The following SOAT2 variants were observed in gnomAD, a reference collection of about 807,000 sequenced individuals.
SOAT2 encodes sterol O-acyltransferase 2, also known as ACAT-2.
In SOAT2, 87 loss-of-function variants were observed where a neutral mutation model predicts 76.0. The observed-to-expected ratio is 1.14, with a 90% CI of 0.96 to 1.37. SOAT2 has a LOEUF of 1.37. Among genes scored for constraint, SOAT2 ranks in the 40% most tolerant of loss-of-function variants. The pLI is 0.00. For synonymous variants in SOAT2, 285 were observed against 275.4 expected (o/e 1.03, Z -0.34); for missense variants, 686 against 682.1 (o/e 1.01, Z -0.06).
At chr12:53,110,882 GT>G (rs919885018) in intron 5 of SOAT2, among the ~76,000 whole-genome samples, 3 of 150,820 alleles carry the variant, frequency 2.0e-5, no homozygotes, top group Non-Finnish European at 3.0e-5. Flanking sequence ...CTTATTTCCT[GT>G]TTTTTTTACC....
chr12:53,113,745 A>C (rs1243995595), intron 5 of SOAT2, among the ~76,000 whole-genome samples: 1 of 152,242 alleles, frequency 6.6e-6, no homozygotes, highest in African/African-American at 2.4e-5. Flanking sequence ...GTAGGTGTGC[A>C]TTCATCTAAA....
rs547636266 is a variant in SOAT2, at chr12:53,124,317, G to C, written c.*194G>C. On this transcript the variant is annotated 3_prime_UTR_variant, in exon 15 of 15. Coordinates refer to ENST00000301466, the MANE Select transcript of SOAT2 (RefSeq NM_003578.4). ...GTAACTGATCACAGACCTCAGCATGGGGGTGACCAGGGTGACTCTTCAATC... is the reference window on the plus strand; with the variant it reads ...GTAACTGATCACAGACCTCAGCATGCGGGTGACCAGGGTGACTCTTCAATC... 3 of 619,902 alleles carry C rather than the reference G, an allele frequency of 4.8e-6. No homozygotes were observed. The highest frequency in any genetic ancestry group is 3.8e-5 in the South Asian group (2 of 52,952). 38.4% of individuals were successfully genotyped at this position (619,902 alleles called of 1,614,324 possible).
chr12:53,109,718 C>A (rs1021686764), intron 5 of SOAT2, among the ~76,000 whole-genome samples: 1 of 152,124 alleles, frequency 6.6e-6, no homozygotes, highest in African/African-American at 2.4e-5. Context: ...GAACTCCTGA[C>A]CTCAAGCGAT....
chr12:53,120,342 G>A (rs904673955), intron 10 of SOAT2, among the ~76,000 whole-genome samples: 3 of 152,068 alleles, frequency 2.0e-5, no homozygotes, highest in African/African-American at 4.8e-5. Context: ...GGTGGCGGGC[G>A]TCTGTAGTCC....
At chr12:53,116,045 G>A (rs1248888003) in intron 6 of SOAT2, 52 bp from the exon 7 acceptor site, 7 of 1,484,462 alleles carry the variant, frequency 4.7e-6, no homozygotes, top group East Asian at 2.3e-5. Context: ...GAGGTTAAGC[G>A]ATTTGCTTAA....
rs745656454 is a variant in SOAT2 at position 53,105,061 on chromosome 12, G to T, written c.139-46G>T. 3 of 1,536,258 alleles carry T rather than the reference G, an allele frequency of 2.0e-6. No individual in the cohort carries two copies. The South Asian group carries it at 3.6e-5, about 18-fold the overall frequency. ...GTGAATGTCTGGTGAATGAAAGGAT[G>T]GCTGACTGGAGGGACAGTGGGCTCT... On this transcript the variant is annotated intron_variant, in intron 2 of 14. Transcript: ENST00000301466.
intron 5 of SOAT2, among the ~76,000 whole-genome samples, chr12:53,108,755 A>G (rs555409815): frequency 6.6e-6 from 1 of 152,336 alleles, no homozygotes; most frequent in South Asian, 2.1e-4. Context: ...TGATGTCACA[A>G]TCTACAAAGT....
rs375535590 is a variant in SOAT2, at chr12:53,118,865, C to T, written c.864-25C>T. ...GAGAACAACATGAAAGAATGAGAAA[C>T]ATATTGTCCCCATTGCCGCTGCAGG... is the stretch of plus-strand genomic sequence containing the variant. On this transcript the variant is annotated intron_variant, in intron 8 of 14. Coordinates refer to ENST00000301466, the MANE Select transcript of SOAT2 (RefSeq NM_003578.4). 7 of 1,613,570 alleles carry T rather than the reference C, an allele frequency of 4.3e-6. No homozygotes were observed. In the East Asian group the frequency reaches 1.1e-4, roughly 26 times the overall value.
intron 1 of SOAT2, among the ~76,000 whole-genome samples, 170 bp from the exon 2 acceptor site, chr12:53,103,981 T>C (rs1208981959): frequency 6.6e-6 from 1 of 152,156 alleles, no homozygotes; most frequent in Non-Finnish European, 1.5e-5. Context: ...TCCTCACCAC[T>C]GGCAACAGCA....
At chr12:53,104,999 T>TTTA in intron 2 of SOAT2, 108 bp from the exon 3 acceptor site, 1 of 1,200,578 alleles carries the variant, frequency 8.3e-7, no homozygotes, top group South Asian at 1.7e-5. Context: ...TTTTTTTTTT[T>TTTA]AAAAAAAGCA....
At chr12:53,112,041 C>T (rs1239799296) in intron 5 of SOAT2, among the ~76,000 whole-genome samples, 1 of 152,168 alleles carries the variant, frequency 6.6e-6, no homozygotes, top group Non-Finnish European at 1.5e-5. Flanking sequence ...GCAGATCTTA[C>T]ACTGAATCCT....
chr12:53,115,430 C>G lies in SOAT2; in HGVS notation c.484C>G (p.Gln162Glu), dbSNP rs1938086468. ...EFDLLIFSFG[Q>E]LPLALVTWVP... is the part of the protein sequence containing the mutation. ...TGACCTACTGATCTTCAGCTTCGGA[C>G]AGCTGCCATTGGCGCTGGTGACCTG... The change falls in exon 6 of 15, where the codon CAG becomes GAG. Residue 162 changes from glutamine to glutamate, a missense_variant. Gln to Glu is a conservative substitution (Grantham distance 29). Coordinates refer to ENST00000301466, the MANE Select transcript of SOAT2 (RefSeq NM_003578.4). 6.2e-7 allele frequency: 1 copy of G among 1,611,736 alleles called. No individual in the cohort carries two copies. The highest frequency in any genetic ancestry group is 2.2e-5 in the East Asian group (1 of 44,882).
intron 10 of SOAT2, 49 bp from the exon 11 acceptor site, chr12:53,120,737 G>A (rs1592279833): frequency 7.4e-7 from 1 of 1,359,964 alleles, no homozygotes; most frequent in Non-Finnish European, 1.1e-6. Flanking sequence ...GCTGCCTGTG[G>A]GTCCATGTGG....
chr12:53,114,858 A>C (rs1209990622), intron 5 of SOAT2, among the ~76,000 whole-genome samples: 6 of 152,198 alleles, frequency 3.9e-5, no homozygotes. Flanking sequence ...TTTACTCCCT[A>C]ACAATTTATT....
At chr12:53,109,855 T>C (rs60314666) in intron 5 of SOAT2, among the ~76,000 whole-genome samples, 3,076 of 152,326 alleles carry the variant, frequency 0.02, 93 homozygotes, top group African/African-American at 0.07. Context: ...GACCATAAGG[T>C]AAGATTTGTA....
In SOAT2 at chr12:53,124,059, C is replaced by A; in HGVS notation, c.1519-14C>A. On this transcript the variant is annotated splice_polypyrimidine_tract_variant and intron_variant, in intron 14 of 14. Transcript: ENST00000301466. The stretch of plus-strand genomic sequence containing the variant: ...GGAATGATCTCATTCACGACTTATT[C>A]TTCTCTGGCTCAGGCAACTTTCTGG... The A allele has an allele frequency of 6.2e-7, 1 of 1,614,162 alleles. No homozygotes were observed. Among genetic ancestry groups the A allele is most frequent in the East Asian group, 2.2e-5 (1 of 44,888 alleles).
At position 53,118,882 on chromosome 12, in the gene SOAT2, C is replaced by T. The variant is rs780686536; in HGVS notation, c.864-8C>T. The T allele has an allele frequency of 5.2e-5, 84 of 1,613,984 alleles. 1 individual carries two copies. The South Asian group carries it at 7.0e-4, about 14-fold the overall frequency. On this transcript the variant is annotated splice_polypyrimidine_tract_variant and splice_region_variant and intron_variant, in intron 8 of 14. Transcript: ENST00000301466. ...ATGAGAAACATATTGTCCCCATTGCCGCTGCAGGACGCCCTATGTCAGGTG... is the reference window on the plus strand; with the variant it reads ...ATGAGAAACATATTGTCCCCATTGCTGCTGCAGGACGCCCTATGTCAGGTG...
intron 12 of SOAT2, 85 bp from the exon 13 acceptor site, chr12:53,122,996 T>C: frequency 7.1e-7 from 1 of 1,407,900 alleles, no homozygotes; most frequent in East Asian, 2.7e-5. Context: ...ACTGGGCGGC[T>C]GGCCGGGCGG....
chr12:53,117,435 A>G (rs1938122698), intron 7 of SOAT2, among the ~76,000 whole-genome samples: 1 of 151,940 alleles, frequency 6.6e-6, no homozygotes, highest in Non-Finnish European at 1.5e-5. Flanking sequence ...ATCTCAGCGA[A>G]TAGGAAAGCT....
Sources: gnomAD v4.1 joint callset for allele counts (sites outside exome capture counted in the v4.1 genomes callset) on GRCh38, gnomAD v4.1.1 for gene constraint, MANE v1.5 for transcripts, NCBI Gene and HGNC (gene_info 2026-07-23, HGNC 2026-07-21) for gene names.